The following DNAH12 variants were observed in gnomAD, a reference collection of about 807,000 sequenced individuals.
The protein encoded by DNAH12 is axonemal beta dynein heavy chain 12.
A neutral mutation model predicts 371.5 loss-of-function variants in DNAH12; 285 were observed. The observed-to-expected ratio is 0.77, with a 90% CI of 0.70 to 0.85. The LOEUF (loss-of-function observed/expected upper bound fraction) is 0.85. Among genes scored for constraint, DNAH12 ranks in the 40% least tolerant of loss-of-function variants. DNAH12 has a pLI of 0.00. For missense variants in DNAH12, 3,611 were observed against 3,689.4 expected (o/e 0.98, Z 0.55); for synonymous variants, 1,200 against 1,213.0 (o/e 0.99, Z 0.22).
At chr3:57,500,937 C>G (rs2067521171) in intron 11 of DNAH12, among the ~76,000 whole-genome samples, 1 of 151,904 alleles carries the variant, frequency 6.6e-6, no homozygotes, top group Non-Finnish European at 1.5e-5. Context: ...AAAACAAAAA[C>G]AAAAACAAAA....
chr3:57,401,273 G>A (rs2063851543), intron 43 of DNAH12, among the ~76,000 whole-genome samples: 1 of 151,830 alleles, frequency 6.6e-6, no homozygotes, highest in African/African-American at 2.4e-5. Context: ...GAAGAGGCCA[G>A]ACGCGGTGGC....
At chr3:57,340,940 C>T (rs2062378842) in intron 60 of DNAH12, among the ~76,000 whole-genome samples, 1 of 152,124 alleles carries the variant, frequency 6.6e-6, no homozygotes, top group Non-Finnish European at 1.5e-5. Flanking sequence ...AAATATCATA[C>T]ACTATTATCA....
At chr3:57,517,755 A>G (rs1264232645) in intron 4 of DNAH12, among the ~76,000 whole-genome samples, 2 of 152,196 alleles carry the variant, frequency 1.3e-5, no homozygotes, top group Admixed American at 6.5e-5. Flanking sequence ...ATTTTTCTTG[A>G]AAACTCCCTG....
In DNAH12 at chr3:57,415,478, T is replaced by C; in HGVS notation, c.5801A>G (p.Tyr1934Cys). The part of the protein sequence containing the change: ...KLMNHLEKDQ[Y>C]FPFYINLSAR... ...AGATAAGTTAATATAAAAAGGAAAG[T>C]ACTGGTCCTTTTCCAAGTGATTCAT... Residue 1934 changes from tyrosine to cysteine, a missense_variant, in exon 38 of 74, where the codon TAC becomes TGC. Tyr to Cys is a radical substitution (Grantham distance 194, BLOSUM62 -2). This residue lies in a region of DNAH12 where 2,266 missense variants were observed against 2,236.9 expected (regional missense o/e 1.01). Transcript: ENST00000495027. 1 of 1,551,302 alleles carries C rather than the reference T, an allele frequency of 6.4e-7. No individual in the cohort carries two copies. Among genetic ancestry groups the C allele is most frequent in the Non-Finnish European group, 8.7e-7 (1 of 1,146,918 alleles).
chr3:57,545,539 G>A (rs1400842271), upstream of DNAH12, among the ~76,000 whole-genome samples: 1 of 151,776 alleles, frequency 6.6e-6, no homozygotes, highest in Non-Finnish European at 1.5e-5. Context: ...ATTTTTTAGA[G>A]ACAGGGCTCT....
chr3:57,366,365 T>G (rs964491163), intron 57 of DNAH12, among the ~76,000 whole-genome samples: 1 of 152,166 alleles, frequency 6.6e-6, no homozygotes, highest in Admixed American at 6.5e-5. Flanking sequence ...GGCTGCTCTA[T>G]GGAGCAGCCA....
chr3:57,465,255 T>C (rs2066166718), intron 17 of DNAH12, among the ~76,000 whole-genome samples: 1 of 152,114 alleles, frequency 6.6e-6, no homozygotes, highest in South Asian at 2.1e-4. Context: ...TTGAAAAATA[T>C]ATATATAGAG....
At chr3:57,379,733 C>T (rs975181373) in intron 51 of DNAH12, among the ~76,000 whole-genome samples, 2 of 146,920 alleles carry the variant, frequency 1.4e-5, no homozygotes, top group African/African-American at 5.0e-5. Context: ...CCCAGCTACT[C>T]AAGAGGCTGA....
At chr3:57,532,897 C>T (rs926800141) in intron 2 of DNAH12, among the ~76,000 whole-genome samples, 3 of 152,222 alleles carry the variant, frequency 2.0e-5, no homozygotes, top group African/African-American at 7.2e-5. Context: ...TGAAGCAAGA[C>T]AGGCTTCTGT....
At chr3:57,477,120 G>A in intron 13 of DNAH12, among the ~76,000 whole-genome samples, 1 of 152,156 alleles carries the variant, frequency 6.6e-6, no homozygotes, top group South Asian at 2.1e-4. Context: ...CCAAAGCAGG[G>A]TGAGGCATCG....
At chr3:57,494,122 A>G (rs1369154376) in intron 11 of DNAH12, among the ~76,000 whole-genome samples, 1 of 152,170 alleles carries the variant, frequency 6.6e-6, no homozygotes, top group Non-Finnish European at 1.5e-5. Flanking sequence ...TGTTCCAGCT[A>G]CTTGAGAGGC....
chr3:57,529,015 G>A (rs2068746546), intron 2 of DNAH12, among the ~76,000 whole-genome samples: 1 of 152,004 alleles, frequency 6.6e-6, no homozygotes, highest in Non-Finnish European at 1.5e-5. Flanking sequence ...GGCCAGGCTG[G>A]TCTCAAACTC....
intron 58 of DNAH12, among the ~76,000 whole-genome samples, chr3:57,363,242 T>G (rs1042035002): frequency 1.3e-5 from 2 of 152,164 alleles, no homozygotes; most frequent in Non-Finnish European, 2.9e-5. Flanking sequence ...AAGCTGAAAC[T>G]GGATACCTAT....
intron 72 of DNAH12, among the ~76,000 whole-genome samples, 178 bp from the exon 73 acceptor site, chr3:57,295,770 T>A (rs1221563634): frequency 6.6e-6 from 1 of 151,798 alleles, no homozygotes; most frequent in Non-Finnish European, 1.5e-5. Context: ...CAAAAGACAA[T>A]GATGGAAAGG....
chr3:57,389,656 CT>C (rs1269597885), intron 45 of DNAH12, among the ~76,000 whole-genome samples: 1 of 151,284 alleles, frequency 6.6e-6, no homozygotes, highest in Non-Finnish European at 1.5e-5. Flanking sequence ...AGTGAAAATA[CT>C]TTTTTTCCCC....
intron 34 of DNAH12, among the ~76,000 whole-genome samples, chr3:57,426,845 A>T (rs1225880420): frequency 2.9e-5 from 4 of 138,610 alleles, no homozygotes; most frequent in African/African-American, 5.4e-5. Flanking sequence ...AAAAAAAAAA[A>T]AAATCTGGGG....
At chr3:57,387,550 T>G (rs1360181261) in intron 45 of DNAH12, among the ~76,000 whole-genome samples, 4 of 152,154 alleles carry the variant, frequency 2.6e-5, no homozygotes, top group Non-Finnish European at 5.9e-5. Flanking sequence ...TGGCAGAAGC[T>G]GCTAGTTGCC....
At chr3:57,372,273 G>A (rs2063191077) in intron 55 of DNAH12, among the ~76,000 whole-genome samples, 1 of 151,942 alleles carries the variant, frequency 6.6e-6, no homozygotes, top group Non-Finnish European at 1.5e-5. Context: ...CATATTAATT[G>A]TTTTAAAAGA....
At position 57,403,433 on chromosome 3, in the gene DNAH12, A is replaced by G; in HGVS notation, c.6824T>C (p.Val2275Ala). The G allele has an allele frequency of 1.9e-6, 3 of 1,551,518 alleles. No individual in the cohort carries two copies. The highest frequency in any genetic ancestry group is 2.6e-6 in the Non-Finnish European group (3 of 1,146,888). Reference sequence around the variant, plus strand: ...TTGACGACCACTTCCTCCAAGACCAACAAGCAAAGCATTTCCACCAGATTG... The same window carrying G: ...TTGACGACCACTTCCTCCAAGACCAGCAAGCAAAGCATTTCCACCAGATTG... ...LKQSGGNALL[V>A]GLGGSGRQSL... Residue 2275 changes from valine (V) to alanine (A), a missense_variant, in exon 43 of 74, where the codon GTT becomes GCT. By Grantham distance (64) the Val-to-Ala change is moderately conservative (BLOSUM62 0). This residue lies in a region of DNAH12 where 2,266 missense variants were observed against 2,236.9 expected (regional missense o/e 1.01). Transcript: ENST00000495027.
Sources: allele counts gnomAD v4.1 joint callset (sites outside exome capture counted in the v4.1 genomes callset), GRCh38; gene constraint gnomAD v4.1.1; regional missense constraint gnomAD v4.1.1; transcripts MANE v1.5; gene names NCBI Gene and HGNC (gene_info 2026-07-23, HGNC 2026-07-21).